The following POLQ variants were observed in gnomAD, a reference collection of about 807,000 sequenced individuals.
The protein encoded by POLQ is DNA polymerase theta, also known as epididymis secretory sperm binding protein.
A neutral mutation model predicts 259.2 loss-of-function variants in POLQ; 233 were observed. The ratio of observed to expected loss-of-function variants is 0.90; its 90% CI spans 0.81 to 1.00. The LOEUF is 1.00. POLQ is among the 50% of genes least tolerant of loss of function. POLQ has a pLI of 0.00. For missense variants in POLQ, 2,871 were observed against 3,051.6 expected (o/e 0.94, Z 1.39); for synonymous variants, 1,025 against 1,048.8 (o/e 0.98, Z 0.44).
At chr3:121,540,940 GGAGT>G (rs2048485119) in intron 3 of POLQ, among the ~76,000 whole-genome samples, 1 of 148,448 alleles carries the variant, frequency 6.7e-6, no homozygotes, top group Admixed American at 6.8e-5. Flanking sequence ...TGCCCAGGCT[GGAGT>G]GCAATAGCGT....
intron 8 of POLQ, among the ~76,000 whole-genome samples, chr3:121,521,178 A>AT (rs1286708947): frequency 6.6e-6 from 1 of 152,210 alleles, no homozygotes; most frequent in Non-Finnish European, 1.5e-5. Context: ...TAAGCAACTC[A>AT]TAAGTTTTAA....
Position 121,496,713 on chromosome 3 carries a change from A to C in POLQ, c.2278+95T>G. ...TACAAAGTTTTAGCACTTTTAAAGA[A>C]GCCTACAATAAAATGGAATTTGAAA... On this transcript the variant is annotated intron_variant, in intron 14 of 29. Transcript: ENST00000264233. 2.3e-6 allele frequency: 3 copies of C among 1,278,760 alleles called. No individual in the cohort carries two copies. The South Asian group carries it at 4.2e-5, about 18-fold the overall frequency. The allele number at this position is 1,278,760 out of a possible 1,614,324, so 79.2% of individuals were successfully genotyped here. A position where few individuals can be genotyped will look rare whatever the true frequency, so the allele number is the denominator to read the frequency against.
At chr3:121,435,147 G>A (rs924391653) in intron 28 of POLQ, among the ~76,000 whole-genome samples, 2 of 152,188 alleles carry the variant, frequency 1.3e-5, no homozygotes, top group African/African-American at 4.8e-5. Context: ...CTGGGTGACA[G>A]AGTGAAACTC....
chr3:121,449,514 T>C lies in POLQ; in HGVS notation c.7153-88A>G. On this transcript the variant is annotated intron_variant, in intron 25 of 29. Coordinates refer to ENST00000264233, the MANE Select transcript of POLQ (RefSeq NM_199420.4). The stretch of plus-strand genomic sequence containing the variant: ...ATTAGGATGCGAATTTCGGCAAACT[T>C]TTTATTTCACAGTGAGTGAAACAAT... 3 of 757,426 alleles carry C rather than the reference T, an allele frequency of 4.0e-6. No individual in the cohort carries two copies. In the East Asian group the frequency reaches 7.5e-5, roughly 19 times the overall value. The allele number at this position is 757,426 out of a possible 1,614,324, so 46.9% of individuals were successfully genotyped here.
intron 12 of POLQ, among the ~76,000 whole-genome samples, chr3:121,505,797 T>A (rs1183797805): frequency 2.0e-5 from 3 of 149,608 alleles, no homozygotes; most frequent in Admixed American, 6.7e-5. Flanking sequence ...TCACCTGAGG[T>A]TAGAAGTTCA....
chr3:121,481,825 G>C lies in POLQ; in HGVS notation c.5971-13C>G, dbSNP rs764762496. On this transcript the variant is annotated splice_polypyrimidine_tract_variant and intron_variant, in intron 18 of 29. Transcript: ENST00000264233. ...ACCAGCATGCCACCTGAATGGGATAGCAATGAGAATATTTTCCTGATTTTT... is the reference window on the plus strand; with the variant it reads ...ACCAGCATGCCACCTGAATGGGATACCAATGAGAATATTTTCCTGATTTTT... 7.0e-6 allele frequency: 11 copies of C among 1,579,166 alleles called. No homozygotes were observed. The Admixed American group carries it at 7.4e-5, about 11-fold the overall frequency.
At chr3:121,535,074 TA>T (rs1374262245) in intron 5 of POLQ, among the ~76,000 whole-genome samples, 1 of 152,202 alleles carries the variant, frequency 6.6e-6, no homozygotes, top group Non-Finnish European at 1.5e-5. Flanking sequence ...CTGATTATAT[TA>T]ATCAGATTTT....
chr3:121,449,482 A>T, intron 25 of POLQ, 56 bp from the exon 26 acceptor site: 1 of 933,422 alleles, frequency 1.1e-6, no homozygotes, highest in Non-Finnish European at 1.7e-6. Context: ...TGCAAATAAA[A>T]GGGTTCATTA....
intron 7 of POLQ, among the ~76,000 whole-genome samples, chr3:121,522,713 A>G (rs2048346145): frequency 6.6e-6 from 1 of 152,178 alleles, no homozygotes; most frequent in Non-Finnish European, 1.5e-5. Flanking sequence ...AAATCTCCCC[A>G]GGCAATTCCA....
In POLQ at chr3:121,460,189, A is replaced by C; in HGVS notation, c.7013T>G (p.Ile2338Ser). The C allele has an allele frequency of 6.2e-7, 1 of 1,613,814 alleles. No homozygotes were observed. Among genetic ancestry groups the C allele is most frequent in the African/African-American group, 1.3e-5 (1 of 75,032 alleles). The stretch of plus-strand genomic sequence containing the variant: ...ACGATCATGGGATAAATGAGCCAAG[A>C]TCCTCAGTTCAAGCTGAGAGTAGTC... ...AADYSQLELR[I>S]LAHLSHDRRL... The change falls in exon 25 of 30, where the codon ATC becomes AGC. Residue 2338 changes from isoleucine to serine, a missense_variant. Coordinates refer to ENST00000264233, the MANE Select transcript of POLQ (RefSeq NM_199420.4).
chr3:121,460,255 G>A, intron 24 of POLQ, 21 bp from the exon 25 acceptor site: 1 of 1,581,780 alleles, frequency 6.3e-7, no homozygotes, highest in Non-Finnish European at 8.7e-7. Context: ...AGTGATTTCA[G>A]AAAAGCTAGT....
rs184105231 is a variant in POLQ, at chr3:121,487,249, A to G, written c.5629+53T>C. The G allele has an allele frequency of 4.5e-4, 418 of 920,664 alleles. 1 individual carries two copies. Among genetic ancestry groups the G allele is most frequent in the Non-Finnish European group, 6.5e-4 (403 of 622,396 alleles). The allele number at this position is 920,664 out of a possible 1,614,324, so 57.0% of individuals were successfully genotyped here. On this transcript the variant is annotated intron_variant, in intron 16 of 29. Transcript: ENST00000264233. Reference sequence around the variant, plus strand: ...CATTGAGAAATCTAACTCTTATCTCAGTCTACTAAGTAGTTTATAAATATG... The same window carrying G: ...CATTGAGAAATCTAACTCTTATCTCGGTCTACTAAGTAGTTTATAAATATG...
At chr3:121,454,628 G>C (rs1036893308) in intron 25 of POLQ, among the ~76,000 whole-genome samples, 4 of 152,136 alleles carry the variant, frequency 2.6e-5, no homozygotes, top group Non-Finnish European at 5.9e-5. Flanking sequence ...GATCAAAAGA[G>C]ACAAAGAAGG....
At position 121,519,359 on chromosome 3, in the gene POLQ, G is replaced by GATATATATAT. The variant is rs58512042; in HGVS notation, c.1468+502_1468+511dup. On this transcript the variant is annotated intron_variant, in intron 9 of 29. Coordinates refer to ENST00000264233, the MANE Select transcript of POLQ (RefSeq NM_199420.4). Reference sequence around the variant, plus strand: ...CATTTGTAGAAAATCAACAGTTGATGATATATATATATATATATATATATA... The same window carrying GATATATATAT: ...CATTTGTAGAAAATCAACAGTTGATGATATATATATATATATATATATATATATATATATA... 5.1e-3 allele frequency among the ~76,000 whole-genome samples: 696 copies of GATATATATAT among 136,658 alleles called. 5 individuals are homozygous for GATATATATAT. The highest frequency in any genetic ancestry group is 7.0e-3 in the Non-Finnish European group (449 of 64,094). The allele number at this position is 136,658 out of a possible 152,430, so 89.7% of individuals were successfully genotyped here.
At chr3:121,532,368 A>G (rs2048417259) in intron 6 of POLQ, among the ~76,000 whole-genome samples, 1 of 152,242 alleles carries the variant, frequency 6.6e-6, no homozygotes, top group Non-Finnish European at 1.5e-5. Context: ...CTAAACCATA[A>G]GAAAATCTTT....
Position 121,460,184 on chromosome 3 carries a change from C to T in POLQ, c.7018G>A (p.Ala2340Thr). 6.2e-7 allele frequency: 1 copy of T among 1,613,624 alleles called. No homozygotes were observed. The highest frequency in any genetic ancestry group is 8.5e-7 in the Non-Finnish European group (1 of 1,179,572). ...AGACGACGATCATGGGATAAATGAG[C>T]CAAGATCCTCAGTTCAAGCTGAGAG... is the stretch of plus-strand genomic sequence containing the variant. ...DYSQLELRIL[A>T]HLSHDRRLIQ... Residue 2340 changes from alanine to threonine, a missense_variant, in exon 25 of 30, where the codon GCT becomes ACT. Around this residue, in one of 3 missense-constraint regions of POLQ, gnomAD observed 2,080 missense variants for 2,126.0 expected, o/e 0.98. Transcript: ENST00000264233.
chr3:121,447,631 T>C (rs1474265130), intron 26 of POLQ, among the ~76,000 whole-genome samples: 1 of 152,226 alleles, frequency 6.6e-6, no homozygotes, highest in African/African-American at 2.4e-5. Flanking sequence ...GCGTACTTAA[T>C]ATTACCAGTG....
At chr3:121,486,889 G>GAGAC (rs2048016103) in intron 16 of POLQ, among the ~76,000 whole-genome samples, 1 of 90,692 alleles carries the variant, frequency 1.1e-5, no homozygotes, top group African/African-American at 4.1e-5. Context: ...GAAAGAAAGA[G>GAGAC]AGACAGAGAG....
chr3:121,442,198 G>T, intron 26 of POLQ, among the ~76,000 whole-genome samples: 1 of 151,914 alleles, frequency 6.6e-6, no homozygotes, highest in East Asian at 1.9e-4. Context: ...CATATTTATG[G>T]GGTACATGAG....
Sources: gnomAD v4.1 joint callset for allele counts (sites outside exome capture counted in the v4.1 genomes callset) on GRCh38, gnomAD v4.1.1 for gene constraint, gnomAD v4.1.1 regional missense constraint, MANE v1.5 for transcripts, NCBI Gene and HGNC (gene_info 2026-07-23, HGNC 2026-07-21) for gene names.